Variants in TBL1XR1 observed in about 807,000 individuals in gnomAD.
TBL1XR1 encodes the protein F-box-like/WD repeat-containing protein TBL1XR1.
Under a neutral mutation model 66.9 loss-of-function variants are expected in TBL1XR1, and 5 were observed. The ratio of observed to expected loss-of-function variants is 0.07; its 90% CI spans 0.04 to 0.16. The LOEUF is 0.16. TBL1XR1 is among the 10% of genes least tolerant of loss of function. The pLI is 1.00. For missense variants in TBL1XR1, 238 were observed against 623.2 expected (o/e 0.38, Z 6.58); for synonymous variants, 210 against 206.0 (o/e 1.02, Z -0.17).
At chr3:177,185,273 G>C (rs150889001) in intron 1 of TBL1XR1, among the ~76,000 whole-genome samples, 2 of 152,258 alleles carry the variant, frequency 1.3e-5, no homozygotes, top group African/African-American at 4.8e-5. Flanking sequence ...ACACTGTATT[G>C]CATGTGTCCT....
At chr3:177,092,565 G>A (rs528225937) in intron 2 of TBL1XR1, among the ~76,000 whole-genome samples, 8 of 152,144 alleles carry the variant, frequency 5.3e-5, no homozygotes, top group Admixed American at 1.3e-4. Context: ...ATAGTTGGTA[G>A]TGTAAAGAAA....
intron 1 of TBL1XR1, among the ~76,000 whole-genome samples, chr3:177,195,922 TA>T (rs1736794646): frequency 6.6e-6 from 1 of 152,186 alleles, no homozygotes; most frequent in Non-Finnish European, 1.5e-5. Flanking sequence ...AGATTTCAAG[TA>T]AACTCCAGAC....
intron 3 of TBL1XR1, among the ~76,000 whole-genome samples, chr3:177,060,541 G>A (rs1488054452): frequency 6.6e-6 from 1 of 152,112 alleles, no homozygotes; most frequent in Non-Finnish European, 1.5e-5. Flanking sequence ...TTTCCCTAAA[G>A]CAAATATACA....
At chr3:177,181,479 T>TTA (rs1734815463) in intron 1 of TBL1XR1, among the ~76,000 whole-genome samples, 1 of 137,784 alleles carries the variant, frequency 7.3e-6, no homozygotes, top group Non-Finnish European at 1.6e-5. Flanking sequence ...GACTCCGTCT[T>TTA]AAAAAAAAAA....
chr3:177,063,950 C>T (rs766518308), intron 3 of TBL1XR1, among the ~76,000 whole-genome samples: 2 of 152,084 alleles, frequency 1.3e-5, no homozygotes, highest in East Asian at 1.9e-4. Context: ...GCTCTCAGAC[C>T]GAAAGCCATG....
chr3:177,180,235 C>CA (rs34198735), intron 1 of TBL1XR1, among the ~76,000 whole-genome samples: 3,104 of 72,004 alleles, frequency 0.043, 235 homozygotes, highest in East Asian at 0.34. Context: ...GACTCCGTCT[C>CA]AAAAAAAAAA....
At chr3:177,176,708 A>G (rs548924571) in intron 1 of TBL1XR1, among the ~76,000 whole-genome samples, 2 of 152,088 alleles carry the variant, frequency 1.3e-5, no homozygotes, top group South Asian at 2.1e-4. Flanking sequence ...CCACCTATTC[A>G]GGAGGCTGAG....
At chr3:177,183,497 G>C (rs1735062845) in intron 1 of TBL1XR1, among the ~76,000 whole-genome samples, 1 of 152,134 alleles carries the variant, frequency 6.6e-6, no homozygotes, top group Non-Finnish European at 1.5e-5. Flanking sequence ...GAGAAAAGTA[G>C]GGATTCCACT....
intron 1 of TBL1XR1, among the ~76,000 whole-genome samples, chr3:177,193,124 G>C (rs761455421): frequency 6.6e-6 from 1 of 151,594 alleles, no homozygotes; most frequent in South Asian, 2.1e-4. Context: ...CTGCACTCCA[G>C]CCTGGGCAAC....
intron 1 of TBL1XR1, among the ~76,000 whole-genome samples, chr3:177,123,020 T>A (rs1449022547): frequency 6.6e-6 from 1 of 152,130 alleles, no homozygotes; most frequent in African/African-American, 2.4e-5. Flanking sequence ...TTTTGTCTTG[T>A]GTCGCACACA....
chr3:177,077,888 T>C (rs1720889802), intron 2 of TBL1XR1, among the ~76,000 whole-genome samples: 1 of 152,248 alleles, frequency 6.6e-6, no homozygotes. Flanking sequence ...TGACCAGAAG[T>C]CAGAACGTTG....
At chr3:177,025,978 C>T (rs1713063322) in intron 15 of TBL1XR1, 1 of 278,974 alleles carries the variant, frequency 3.6e-6, no homozygotes, top group Non-Finnish European at 6.7e-6. Context: ...TTCAGTATCA[C>T]ACATTCCTCA....
intron 2 of TBL1XR1, among the ~76,000 whole-genome samples, chr3:177,095,136 T>C (rs925923899): frequency 4.0e-5 from 6 of 151,594 alleles, no homozygotes; most frequent in Admixed American, 6.6e-5. Context: ...AAATAGTATA[T>C]GGTGCTACCT....
chr3:177,143,701 A>G (rs943422436), intron 1 of TBL1XR1, among the ~76,000 whole-genome samples: 2 of 152,228 alleles, frequency 1.3e-5, no homozygotes, highest in Admixed American at 1.3e-4. Flanking sequence ...GGTGATGGGA[A>G]TCTGAGAATA....
At chr3:177,178,443 G>C (rs909349991) in intron 1 of TBL1XR1, among the ~76,000 whole-genome samples, 11 of 151,002 alleles carry the variant, frequency 7.3e-5, no homozygotes. Flanking sequence ...AGCACTTTAT[G>C]AGAAAAAAAA....
chr3:177,032,405 T>C (rs1046726240), intron 14 of TBL1XR1: 8 of 152,202 alleles, frequency 5.3e-5, no homozygotes, highest in Non-Finnish European at 8.8e-5. Context: ...AAAGATCCGA[T>C]AACTGAGAGG....
chr3:177,033,195 C>T, intron 13 of TBL1XR1, 59 bp from the exon 14 acceptor site: 6 of 1,387,824 alleles, frequency 4.3e-6, no homozygotes, highest in Non-Finnish European at 5.7e-6. Context: ...CCCAGCCTTG[C>T]TCCCACCCAA....
At chr3:177,073,135 G>A (rs930954265) in intron 2 of TBL1XR1, among the ~76,000 whole-genome samples, 9 of 152,076 alleles carry the variant, frequency 5.9e-5, no homozygotes, top group African/African-American at 2.2e-4. Context: ...ATTTAATATT[G>A]ATAACTATAA....
intron 3 of TBL1XR1, among the ~76,000 whole-genome samples, chr3:177,059,060 C>A (rs1453817302): frequency 6.6e-6 from 1 of 152,124 alleles, no homozygotes; most frequent in African/African-American, 2.4e-5. Flanking sequence ...AAACTATATA[C>A]CTACTTGCAC....
Sources: gnomAD v4.1 joint callset for allele counts (sites outside exome capture counted in the v4.1 genomes callset) on GRCh38, gnomAD v4.1.1 for gene constraint, MANE v1.5 for transcripts, NCBI Gene and HGNC (gene_info 2026-07-23, HGNC 2026-07-21) for gene names.